SCHIP1: variants seen among roughly 807,000 people sequenced by gnomAD.
SCHIP1 encodes the protein schwannomin interacting protein 1, also known as schwannomin-interacting protein 1.
A neutral mutation model predicts 29.7 loss-of-function variants in SCHIP1; 8 were observed. The observed-to-expected ratio is 0.27, with a 90% CI of 0.16 to 0.49. The LOEUF is 0.49. Ranked by LOEUF, SCHIP1 falls within the 20% of genes least tolerant of loss-of-function variation. The pLI, the probability that SCHIP1 is intolerant of heterozygous loss-of-function variation, is 0.99. For synonymous variants in SCHIP1, 76 were observed against 94.9 expected (o/e 0.80, Z 1.16); for missense variants, 193 against 294.6 (o/e 0.66, Z 2.52).
At chr3:159,828,836 A>T in the SCHIP1 span, among the ~76,000 whole-genome samples, 1 of 152,302 alleles carries the variant, frequency 6.6e-6, no homozygotes, top group South Asian at 2.1e-4. Flanking sequence ...AAGGGGAAGC[A>T]TGACCCTTAT....
At chr3:159,403,297 C>T in the SCHIP1 span, among the ~76,000 whole-genome samples, 1 of 152,072 alleles carries the variant, frequency 6.6e-6, no homozygotes, top group East Asian at 1.9e-4. Flanking sequence ...GAACAAGTAT[C>T]CACACCAAAT....
the SCHIP1 span, among the ~76,000 whole-genome samples, chr3:159,356,243 G>A: frequency 6.6e-6 from 1 of 152,026 alleles, no homozygotes; most frequent in Non-Finnish European, 1.5e-5. Flanking sequence ...TTCTTCTTAG[G>A]GTTAAGTTGT....
the SCHIP1 span, among the ~76,000 whole-genome samples, chr3:159,289,887 A>G: frequency 6.6e-6 from 1 of 152,236 alleles, no homozygotes; most frequent in Non-Finnish European, 1.5e-5. Context: ...ATAGACGGAA[A>G]ATCTTGGGAA....
At chr3:159,760,897 G>A in the SCHIP1 span, among the ~76,000 whole-genome samples, 1 of 152,082 alleles carries the variant, frequency 6.6e-6, no homozygotes, top group Non-Finnish European at 1.5e-5. Flanking sequence ...CTAGTGAGAA[G>A]ATTAGCAATT....
chr3:159,688,727 T>G, the SCHIP1 span, among the ~76,000 whole-genome samples: 870 of 152,328 alleles, frequency 5.7e-3, 7 homozygotes, highest in Non-Finnish European at 6.8e-3. Context: ...TTTTATGGTT[T>G]TAGGTCTCAT....
the SCHIP1 span, among the ~76,000 whole-genome samples, chr3:159,773,450 C>T: frequency 2.0e-5 from 3 of 152,126 alleles, no homozygotes; most frequent in Non-Finnish European, 2.9e-5. Flanking sequence ...TCAAGTCACC[C>T]GACTCCTAAT....
chr3:159,734,721 T>C, the SCHIP1 span, among the ~76,000 whole-genome samples: 736 of 152,148 alleles, frequency 4.8e-3, 10 homozygotes, highest in South Asian at 0.023. Flanking sequence ...GAATGTTAAT[T>C]AGGATCAGAA....
chr3:159,738,252 CA>C, the SCHIP1 span, among the ~76,000 whole-genome samples: 1,229 of 139,728 alleles, frequency 8.8e-3, 9 homozygotes, highest in Middle Eastern at 0.022. Flanking sequence ...CTTTAAATTA[CA>C]AAAAAAAAAA....
At chr3:159,321,842 A>C in the SCHIP1 span, among the ~76,000 whole-genome samples, 4 of 152,304 alleles carry the variant, frequency 2.6e-5, no homozygotes, top group East Asian at 5.8e-4. Flanking sequence ...ACATTGTTAT[A>C]AAATAATGAA....
At chr3:159,699,273 C>T in the SCHIP1 span, among the ~76,000 whole-genome samples, 23 of 152,204 alleles carry the variant, frequency 1.5e-4, no homozygotes, top group Non-Finnish European at 2.9e-5. Flanking sequence ...TTAATATCCC[C>T]ATTTTACAAA....
the SCHIP1 span, among the ~76,000 whole-genome samples, chr3:159,710,969 G>A: frequency 1.3e-5 from 2 of 152,004 alleles, no homozygotes; most frequent in African/African-American, 4.8e-5. Context: ...GACCTATTAC[G>A]TGATTATAAG....
chr3:159,315,286 C>T, the SCHIP1 span, among the ~76,000 whole-genome samples: 1 of 150,790 alleles, frequency 6.6e-6, no homozygotes, highest in Non-Finnish European at 1.5e-5. Context: ...GCAAGCTCCG[C>T]CTCCCGGGTT....
the SCHIP1 span, among the ~76,000 whole-genome samples, chr3:159,510,259 T>G: frequency 6.6e-6 from 1 of 152,254 alleles, no homozygotes; most frequent in African/African-American, 2.4e-5. Context: ...GTTGATTGAA[T>G]CGGCTACTGA....
the SCHIP1 span, among the ~76,000 whole-genome samples, chr3:159,374,850 T>C: frequency 6.6e-6 from 1 of 152,220 alleles, no homozygotes; most frequent in Non-Finnish European, 1.5e-5. Context: ...TAGCCACATG[T>C]GGCTATAGAG....
chr3:159,466,242 G>A, the SCHIP1 span, among the ~76,000 whole-genome samples: 3 of 152,070 alleles, frequency 2.0e-5, no homozygotes, highest in African/African-American at 7.2e-5. Context: ...AGCTACCTGG[G>A]ACTACAGGGG....
the SCHIP1 span, chr3:159,808,577 T>C: frequency 6.6e-6 from 1 of 152,272 alleles, no homozygotes; most frequent in Non-Finnish European, 1.5e-5. Flanking sequence ...CAATGGTCAA[T>C]GTCTTTCTCA....
At chr3:159,344,835 T>C in the SCHIP1 span, among the ~76,000 whole-genome samples, 1 of 152,214 alleles carries the variant, frequency 6.6e-6, no homozygotes, top group Non-Finnish European at 1.5e-5. Context: ...GTGACAAACG[T>C]ATCATACTAA....
the SCHIP1 span, among the ~76,000 whole-genome samples, chr3:159,619,932 T>G: frequency 1.3e-5 from 2 of 152,234 alleles, no homozygotes; most frequent in Non-Finnish European, 1.5e-5. Context: ...TATAAAGCAG[T>G]TCTTTACCAA....
the SCHIP1 span, among the ~76,000 whole-genome samples, chr3:159,562,046 G>A: frequency 1.3e-5 from 2 of 152,080 alleles, no homozygotes; most frequent in Non-Finnish European, 1.5e-5. Flanking sequence ...TGCTTTCCTT[G>A]CATTTCCTGA....
Sources: gnomAD v4.1 joint callset for allele counts (sites outside exome capture counted in the v4.1 genomes callset) on GRCh38, gnomAD v4.1.1 for gene constraint, MANE v1.5 for transcripts, NCBI Gene and HGNC (gene_info 2026-07-23, HGNC 2026-07-21) for gene names.